Variants in ZNF592 observed in about 807,000 individuals in gnomAD.
ZNF592 encodes the protein zinc finger protein 592.
Under a neutral mutation model 80.3 loss-of-function variants are expected in ZNF592, and 11 were observed. The observed-to-expected ratio is 0.14, with a 90% CI of 0.09 to 0.23. The LOEUF is 0.23. Among genes scored for constraint, ZNF592 ranks in the 10% least tolerant of loss-of-function variants. The pLI, the probability that ZNF592 is intolerant of heterozygous loss-of-function variation, is 1.00. For synonymous variants in ZNF592, 646 were observed against 640.3 expected (o/e 1.01, Z -0.13); for missense variants, 1,420 against 1,633.9 (o/e 0.87, Z 2.26).
intron 1 of ZNF592, among the ~76,000 whole-genome samples, chr15:84,748,943 C>A (rs1345388525): frequency 1.5e-4 from 22 of 151,568 alleles, no homozygotes; most frequent in Non-Finnish European, 3.1e-4. Flanking sequence ...GCAGGCCGGG[C>A]ACGCTGCTGT....
intron 4 of ZNF592, among the ~76,000 whole-genome samples, chr15:84,786,515 G>A (rs975463087): frequency 6.6e-6 from 1 of 152,164 alleles, no homozygotes; most frequent in Non-Finnish European, 1.5e-5. Context: ...AAATATTAGG[G>A]TAGAGGTCAG....
chr15:84,772,513 G>A (rs554763212), intron 2 of ZNF592, among the ~76,000 whole-genome samples: 154 of 152,250 alleles, frequency 1.0e-3, no homozygotes, highest in Non-Finnish European at 1.7e-3. Flanking sequence ...TCACACCATT[G>A]CACTCCAGCC....
chr15:84,757,086 A>G (rs1167598312), intron 1 of ZNF592, among the ~76,000 whole-genome samples: 1 of 152,098 alleles, frequency 6.6e-6, no homozygotes, highest in Non-Finnish European at 1.5e-5. Flanking sequence ...GTACTCTGGC[A>G]TGGGTGACAG....
In ZNF592 at chr15:84,784,752, C is replaced by G. The variant is rs1962541361; in HGVS notation, c.2077C>G (p.Pro693Ala). The change falls in exon 4 of 11, where the codon CCT becomes GCT. Residue 693 changes from proline (P) to alanine (A), a missense_variant. Physicochemically the swap from Pro to Ala is conservative, Grantham distance 27. Coordinates refer to ENST00000560079, the MANE Select transcript of ZNF592 (RefSeq NM_014630.3). This position sits in a 1 kb window ranked among gnomAD's most constrained non-coding sequence, Gnocchi z 5.8. ...HGLTSGSASP[P>A]PPALPLYPDP... ...CCTCACTTCGGGCAGTGCCAGTCCCCCTCCTCCAGCCTTGCCACTCTACCC... is the reference window on the plus strand; with the variant it reads ...CCTCACTTCGGGCAGTGCCAGTCCCGCTCCTCCAGCCTTGCCACTCTACCC... 2 of 1,614,122 alleles carry G rather than the reference C, an allele frequency of 1.2e-6. No homozygotes were observed. The highest frequency in any genetic ancestry group is 1.1e-5 in the South Asian group (1 of 91,086).
Position 84,778,235 on chromosome 15 carries a change from T to C in ZNF592, c.-97T>C. On this transcript the variant is annotated 5_prime_UTR_variant, in exon 3 of 11. Coordinates refer to ENST00000560079, the MANE Select transcript of ZNF592 (RefSeq NM_014630.3). ...AAGGGAGAAGACAGAAGGAAGACGC[T>C]CCCCCGTACGGAGACAGAGGGAGGG... is the stretch of plus-strand genomic sequence containing the variant. 4.7e-6 allele frequency: 1 copy of C among 212,074 alleles called. No homozygotes were observed. Among genetic ancestry groups the C allele is most frequent in the South Asian group, 6.0e-5 (1 of 16,726 alleles). 13.1% of individuals were successfully genotyped at this position (212,074 alleles called of 1,614,324 possible).
rs565874332 is a variant in ZNF592, at chr15:84,786,528, G to C, written c.2220+1633G>C. Among the ~76,000 whole-genome samples, 52 of 152,262 alleles carry C rather than the reference G, an allele frequency of 3.4e-4. 1 individual carries two copies. The South Asian group carries it at 0.011, about 31-fold the overall frequency. On this transcript the variant is annotated intron_variant, in intron 4 of 10. Coordinates refer to ENST00000560079, the MANE Select transcript of ZNF592 (RefSeq NM_014630.3). Reference sequence around the variant, plus strand: ...GGAAATATTAGGGTAGAGGTCAGAGGTTGAGTTTGGCGGGCCTGTAGGGCT... The same window carrying C: ...GGAAATATTAGGGTAGAGGTCAGAGCTTGAGTTTGGCGGGCCTGTAGGGCT...
In ZNF592 at chr15:84,803,744, GA is replaced by G. The variant is rs1042589001; in HGVS notation, c.*1353del. ...CTTACAGCATCGCTACTGCCACAGA[GA>G]ACTCAAATGTGGCAGAACTGGGATT... On this transcript the variant is annotated 3_prime_UTR_variant, in exon 11 of 11. Transcript: ENST00000560079. 1.3e-5 allele frequency: 2 copies of G among 152,158 alleles called. No homozygotes were observed. Among genetic ancestry groups the G allele is most frequent in the African/African-American group, 4.8e-5 (2 of 41,392 alleles). The allele number at this position is 152,158 out of a possible 1,614,324, so 9.4% of individuals were successfully genotyped here. A position where few individuals can be genotyped will look rare whatever the true frequency, so the allele number is the denominator to read the frequency against.
At chr15:84,781,571 A>C (rs560078279) in intron 3 of ZNF592, among the ~76,000 whole-genome samples, 1 of 152,308 alleles carries the variant, frequency 6.6e-6, no homozygotes, top group East Asian at 1.9e-4. Flanking sequence ...TTCTGGTTCT[A>C]TGAAGCTACC....
chr15:84,776,581 C>T (rs927161752), intron 2 of ZNF592, among the ~76,000 whole-genome samples: 1 of 152,124 alleles, frequency 6.6e-6, no homozygotes, highest in Non-Finnish European at 1.5e-5. Context: ...CATGGCGAAA[C>T]CCCATCTCTA....
rs1220163908 is a variant in ZNF592, at chr15:84,764,715, T to A, written c.-250T>A. 2.5e-6 allele frequency: 1 copy of A among 398,882 alleles called. No homozygotes were observed. Among genetic ancestry groups the A allele is most frequent in the Non-Finnish European group, 4.4e-6 (1 of 226,062 alleles). The allele number at this position is 398,882 out of a possible 1,614,324, so 24.7% of individuals were successfully genotyped here. ...TTTTCTTCTTTCCTTAGGTGGTGTTTGGACTCTAGACCATGTGCCTAGGTA... is the reference window on the plus strand; with the variant it reads ...TTTTCTTCTTTCCTTAGGTGGTGTTAGGACTCTAGACCATGTGCCTAGGTA... On this transcript the variant is annotated 5_prime_UTR_variant, in exon 2 of 11. Transcript: ENST00000560079.
At chr15:84,770,181 G>C (rs1244694907) in intron 2 of ZNF592, among the ~76,000 whole-genome samples, 1 of 152,198 alleles carries the variant, frequency 6.6e-6, no homozygotes, top group Non-Finnish European at 1.5e-5. Context: ...GCAGCTGGAA[G>C]AATGGCATTG....
intron 1 of ZNF592, among the ~76,000 whole-genome samples, chr15:84,756,690 T>G (rs942528791): frequency 7.2e-5 from 11 of 152,234 alleles, no homozygotes; most frequent in African/African-American, 2.7e-4. Flanking sequence ...TATCACCATT[T>G]AATACTTTAT....
chr15:84,783,161 C>G lies in ZNF592; in HGVS notation c.486C>G (p.Pro162=), dbSNP rs188148687. ...AAGATAACGGATTTGGGATAAAGCC[C>G]AAACACTCTGACAGTTATTTCCCAC... ...PIKDNGFGIK[P]KHSDSYFPPP... Residue 162 remains proline, a synonymous_variant, in exon 4 of 11, where the codon CCC becomes CCG. Transcript: ENST00000560079. The surrounding 1 kb of genome is among the most constrained non-coding windows in gnomAD (Gnocchi z 5.0). The G allele has an allele frequency of 9.2e-5, 148 of 1,614,180 alleles. No homozygotes were observed. The East Asian group carries it at 3.1e-3, about 34-fold the overall frequency.
rs1963111447 is a variant in ZNF592, at chr15:84,802,095, G to A, written c.3506G>A (p.Ser1169Asn). The A allele has an allele frequency of 6.2e-7, 1 of 1,612,920 alleles. No individual in the cohort carries two copies. The highest frequency in any genetic ancestry group is 1.3e-5 in the African/African-American group (1 of 74,874). Residue 1169 changes from serine to asparagine, a missense_variant, in exon 11 of 11, where the codon AGC becomes AAC. Ser to Asn is a conservative substitution (Grantham distance 46). This residue lies in a region of ZNF592 where 145 missense variants were observed against 211.9 expected (regional missense o/e 0.68). Transcript: ENST00000560079. ...TGCTACACCTCTGCCAGCTCCCTCAGCCGCCACCTCTTCATTGTCCACAAG... is the reference window on the plus strand; with the variant it reads ...TGCTACACCTCTGCCAGCTCCCTCAACCGCCACCTCTTCATTGTCCACAAG... ...GLCYTSASSL[S>N]RHLFIVHKVR...
chr15:84,791,954 G>C (rs1281190320), intron 5 of ZNF592, among the ~76,000 whole-genome samples: 1 of 152,206 alleles, frequency 6.6e-6, no homozygotes, highest in African/African-American at 2.4e-5. Context: ...GTATTTCTTG[G>C]CAGACATTTG....
chr15:84,794,544 C>G (rs1195052825), intron 5 of ZNF592, among the ~76,000 whole-genome samples: 2 of 151,778 alleles, frequency 1.3e-5, no homozygotes, highest in Non-Finnish European at 2.9e-5. Context: ...GGCGCTATCT[C>G]AGCTCACTGC....
intron 3 of ZNF592, among the ~76,000 whole-genome samples, chr15:84,780,090 G>A (rs150952197): frequency 0.013 from 1,976 of 150,508 alleles, 20 homozygotes; most frequent in African/African-American, 0.026. Flanking sequence ...GGGTTCAAGT[G>A]ATTCTCCTGC....
In ZNF592 at chr15:84,774,399, A is replaced by G. The variant is rs568592276; in HGVS notation, c.-149-3784A>G. On this transcript the variant is annotated intron_variant, in intron 2 of 10. Transcript: ENST00000560079. Reference sequence around the variant, plus strand: ...ATAATTATGAAGACTTCCTTTTTAAAATAAATTTTTCATGAGTCCTTATTC... The same window carrying G: ...ATAATTATGAAGACTTCCTTTTTAAGATAAATTTTTCATGAGTCCTTATTC... Among the ~76,000 whole-genome samples the G allele has an allele frequency of 2.0e-5, 3 of 152,352 alleles. No homozygotes were observed. The South Asian group carries it at 6.2e-4, about 32-fold the overall frequency.
In ZNF592 at chr15:84,804,429, G is replaced by C. The variant is rs533325114; in HGVS notation, c.*2036G>C. On this transcript the variant is annotated 3_prime_UTR_variant, in exon 11 of 11. Coordinates refer to ENST00000560079, the MANE Select transcript of ZNF592 (RefSeq NM_014630.3). ...AGAATTGCAGGTTTGACCACCTGTC[G>C]TGACCCCAGATATACATCTCCTTCC... The C allele has an allele frequency of 2.0e-5, 3 of 152,340 alleles. No individual in the cohort carries two copies. Among genetic ancestry groups the C allele is most frequent in the African/African-American group, 7.2e-5 (3 of 41,566 alleles). 9.4% of individuals were successfully genotyped at this position (152,340 alleles called of 1,614,324 possible). A position where few individuals can be genotyped will look rare whatever the true frequency, so the allele number is the denominator to read the frequency against.
Sources: gnomAD v4.1 joint callset for allele counts (sites outside exome capture counted in the v4.1 genomes callset) on GRCh38, gnomAD v4.1.1 for gene constraint, gnomAD v4.1.1 regional missense constraint, Gnocchi (gnomAD v3.1) non-coding constraint, MANE v1.5 for transcripts, NCBI Gene and HGNC (gene_info 2026-07-23, HGNC 2026-07-21) for gene names.